LAMA3: variants seen among roughly 807,000 people sequenced by gnomAD.
The protein encoded by LAMA3 is laminin subunit alpha 3.
A neutral mutation model predicts 402.0 loss-of-function variants in LAMA3; 281 were observed. The ratio of observed to expected loss-of-function variants is 0.70; its 90% CI spans 0.63 to 0.77. The LOEUF (loss-of-function observed/expected upper bound fraction) is 0.77, where lower values mean the gene tolerates loss of function less well. LAMA3 is among the 30% of genes least tolerant of loss of function. The probability of loss-of-function intolerance (pLI) is 0.00; values close to 1 mark genes in which losing one functional copy is unlikely to be tolerated. For missense variants in LAMA3, 3,840 were observed against 4,215.5 expected (o/e 0.91, Z 2.47); for synonymous variants, 1,431 against 1,558.4 (o/e 0.92, Z 1.93).
At chr18:23,791,529 C>G (rs1188219646) in intron 12 of LAMA3, among the ~76,000 whole-genome samples, 1 of 151,890 alleles carries the variant, frequency 6.6e-6, no homozygotes, top group African/African-American at 2.4e-5. Flanking sequence ...GTCAGGAGTT[C>G]AAGACAAGCC....
intron 39 of LAMA3, among the ~76,000 whole-genome samples, chr18:23,880,234 A>C (rs955823723): frequency 3.3e-5 from 5 of 152,136 alleles, no homozygotes; most frequent in African/African-American, 9.7e-5. Flanking sequence ...GTGCAGTGAG[A>C]TTTGGGGAAG....
intron 8 of LAMA3, among the ~76,000 whole-genome samples, chr18:23,773,183 A>G (rs919864911): frequency 4.6e-5 from 7 of 152,344 alleles, no homozygotes; most frequent in African/African-American, 1.4e-4. Context: ...AGTCCTCTTC[A>G]GTGTTTTCTC....
chr18:23,926,371 G>T (rs1426904047), intron 62 of LAMA3, among the ~76,000 whole-genome samples: 1 of 152,178 alleles, frequency 6.6e-6, no homozygotes, highest in Non-Finnish European at 1.5e-5. Flanking sequence ...CAAGAGATAT[G>T]TTGAAACCCA....
intron 59 of LAMA3, 69 bp from the exon 60 acceptor site, chr18:23,916,482 A>G (rs777925908): frequency 8.4e-6 from 13 of 1,550,448 alleles, no homozygotes; most frequent in African/African-American, 1.4e-5. Context: ...AACATCTTGT[A>G]TTAATAAGCA....
intron 2 of LAMA3, among the ~76,000 whole-genome samples, chr18:23,729,668 A>G (rs562893721): frequency 1.3e-5 from 2 of 152,246 alleles, no homozygotes; most frequent in Non-Finnish European, 1.5e-5. Context: ...CATAATTCAC[A>G]TGCTAGAAAT....
In LAMA3 at chr18:23,884,694, C is replaced by A. The variant is rs1428653013; in HGVS notation, c.5223-79C>A. On this transcript the variant is annotated intron_variant, in intron 40 of 74. Coordinates refer to ENST00000313654, the MANE Select transcript of LAMA3 (RefSeq NM_198129.4). The stretch of plus-strand genomic sequence containing the variant: ...GTTTCAGTGCTCACTTAATACAAGC[C>A]AGTCCTTTGTGGTAAAAAATAAGCA... 8.4e-6 allele frequency: 11 copies of A among 1,304,580 alleles called. No homozygotes were observed. The Admixed American group carries it at 1.5e-4, about 18-fold the overall frequency. The allele number at this position is 1,304,580 out of a possible 1,614,324, so 80.8% of individuals were successfully genotyped here. A position where few individuals can be genotyped will look rare whatever the true frequency, so the allele number is the denominator to read the frequency against.
chr18:23,931,447 A>AAG (rs1165432359), intron 65 of LAMA3: 1 of 475,496 alleles, frequency 2.1e-6, no homozygotes, highest in African/African-American at 1.9e-5. Context: ...GCTTGAGGCC[A>AAG]AGAGTTCGAG....
At chr18:23,927,460 C>T (rs1236449018) in intron 62 of LAMA3, among the ~76,000 whole-genome samples, 1 of 152,140 alleles carries the variant, frequency 6.6e-6, no homozygotes, top group African/African-American at 2.4e-5. Flanking sequence ...TGAGCCACCC[C>T]ACCCGGCCCG....
At chr18:23,702,490 AT>A (rs918605924) in intron 1 of LAMA3, among the ~76,000 whole-genome samples, 1 of 151,680 alleles carries the variant, frequency 6.6e-6, no homozygotes, top group African/African-American at 2.4e-5. Context: ...TGCCCGGCTA[AT>A]TTTTTTTGTG....
chr18:23,855,840 G>A (rs1696392788), intron 32 of LAMA3, among the ~76,000 whole-genome samples: 1 of 152,148 alleles, frequency 6.6e-6, no homozygotes, highest in Non-Finnish European at 1.5e-5. Context: ...TGCAGGTATC[G>A]AGTAGGGAGA....
chr18:23,861,161 C>A (rs1304038908), intron 34 of LAMA3, among the ~76,000 whole-genome samples: 1 of 147,612 alleles, frequency 6.8e-6, no homozygotes, highest in African/African-American at 2.6e-5. Context: ...CCTATGCTTG[C>A]TCAGTTCTTT....
At chr18:23,864,671 AG>A in intron 35 of LAMA3, 113 bp from the exon 36 acceptor site, 1 of 730,494 alleles carries the variant, frequency 1.4e-6, no homozygotes. Flanking sequence ...CCTTGTTACC[AG>A]GTCGAGTGTG....
intron 8 of LAMA3, among the ~76,000 whole-genome samples, chr18:23,764,951 C>T (rs1356743240): frequency 6.6e-6 from 1 of 151,942 alleles, no homozygotes; most frequent in Non-Finnish European, 1.5e-5. Flanking sequence ...TTTAGGTGTT[C>T]ATATGATAAA....
At position 23,954,718 on chromosome 18, in the gene LAMA3, A is replaced by G. The variant is rs892128851; in HGVS notation, c.*70A>G. 6.7e-7 allele frequency: 1 copy of G among 1,491,444 alleles called. No homozygotes were observed. Among genetic ancestry groups the G allele is most frequent in the African/African-American group, 1.4e-5 (1 of 72,372 alleles). 92.4% of individuals were successfully genotyped at this position (1,491,444 alleles called of 1,614,324 possible). ...GATTACCCAATGCACCTCCCTCCCC[A>G]GCTCGAGATCATTCTTCACTCAGGA... On this transcript the variant is annotated 3_prime_UTR_variant, in exon 75 of 75. Coordinates refer to ENST00000313654, the MANE Select transcript of LAMA3 (RefSeq NM_198129.4).
intron 39 of LAMA3, among the ~76,000 whole-genome samples, chr18:23,880,597 G>A (rs2064863739): frequency 6.6e-6 from 1 of 152,168 alleles, no homozygotes; most frequent in Admixed American, 6.5e-5. Context: ...TCACACTCAT[G>A]GCTGGGCGCG....
At chr18:23,789,932 C>A (rs553401650) in intron 12 of LAMA3, among the ~76,000 whole-genome samples, 2 of 152,302 alleles carry the variant, frequency 1.3e-5, no homozygotes, top group Admixed American at 6.5e-5. Flanking sequence ...TCAGCCTTAT[C>A]TCTGTAAATT....
At chr18:23,735,931 C>T (rs566557230) in intron 2 of LAMA3, among the ~76,000 whole-genome samples, 14 of 152,244 alleles carry the variant, frequency 9.2e-5, no homozygotes, top group East Asian at 3.9e-4. Flanking sequence ...CTCTAAGACC[C>T]GCTTCCCCAG....
At chr18:23,783,112 G>C (rs980180024) in intron 11 of LAMA3, among the ~76,000 whole-genome samples, 4 of 152,154 alleles carry the variant, frequency 2.6e-5, no homozygotes, top group African/African-American at 9.7e-5. Context: ...ACATTTGGGA[G>C]TATCCCTCTT....
intron 12 of LAMA3, among the ~76,000 whole-genome samples, chr18:23,788,769 G>C (rs2062595791): frequency 6.6e-6 from 1 of 151,536 alleles, no homozygotes; most frequent in South Asian, 2.1e-4. Flanking sequence ...TAGATAAATT[G>C]GATTTCATCA....
Sources: allele counts gnomAD v4.1 joint callset (sites outside exome capture counted in the v4.1 genomes callset), GRCh38; gene constraint gnomAD v4.1.1; transcripts MANE v1.5; gene names NCBI Gene and HGNC (gene_info 2026-07-23, HGNC 2026-07-21).